Variants in TAGAP observed in about 807,000 individuals in gnomAD.
TAGAP encodes the protein T-cell activation Rho GTPase-activating protein.
In TAGAP, 16 loss-of-function variants were observed where a neutral mutation model predicts 36.0. The observed-to-expected ratio is 0.44, with a 90% CI of 0.30 to 0.68. The LOEUF (loss-of-function observed/expected upper bound fraction) is 0.68, where lower values mean the gene tolerates loss of function less well. TAGAP is among the 30% of genes least tolerant of loss of function. TAGAP has a pLI of 0.09. For missense variants in TAGAP, 794 were observed against 921.5 expected, an observed-to-expected ratio of 0.86 and a Z score of 1.79; for synonymous variants, 372 against 377.4, an observed-to-expected ratio of 0.99 and a Z score of 0.17.
At position 159,038,095 on chromosome 6, in the gene TAGAP, A is replaced by T; in HGVS notation, c.898+19T>A. On this transcript the variant is annotated intron_variant, in intron 9 of 9. Coordinates refer to ENST00000367066, the MANE Select transcript of TAGAP (RefSeq NM_054114.5). ...AACTTTTCCCTACAATCGTAATCAA[A>T]TGATAGCACATTCCATACCTGAACT... is the stretch of plus-strand genomic sequence containing the variant. The T allele has an allele frequency of 6.6e-7, 1 of 1,505,382 alleles. No individual in the cohort carries two copies. The highest frequency in any genetic ancestry group is 9.2e-7 in the Non-Finnish European group (1 of 1,085,966). The allele number at this position is 1,505,382 out of a possible 1,614,324, so 93.3% of individuals were successfully genotyped here.
rs566818161 is a variant in TAGAP at position 159,043,264 on chromosome 6, G to A, written c.148+325C>T. Among the ~76,000 whole-genome samples, 11 of 152,318 alleles carry A rather than the reference G, an allele frequency of 7.2e-5. No homozygotes were observed. The East Asian group carries it at 2.1e-3, about 29-fold the overall frequency. The stretch of plus-strand genomic sequence containing the variant: ...GCTCTTGGATGCATTCTCCATAAGA[G>A]AAGGAAGAAAATGGAAAAGACACTG... On this transcript the variant is annotated intron_variant, in intron 4 of 9. Transcript: ENST00000367066.
chr6:159,038,784 A>T, intron 8 of TAGAP: 3 of 545,914 alleles, frequency 5.5e-6, no homozygotes, highest in Non-Finnish European at 7.5e-6. Flanking sequence ...TAAAATTTTC[A>T]TTTAAGTAAG....
intron 1 of TAGAP, among the ~76,000 whole-genome samples, chr6:159,044,592 C>T (rs6923307): frequency 0.12 from 18,436 of 150,730 alleles, 1,860 homozygotes; most frequent in African/African-American, 0.28. Flanking sequence ...TGCCAGCTGT[C>T]GTAGTAGGTG....
intron 7 of TAGAP, 106 bp downstream of exon 7, chr6:159,040,617 A>T: frequency 1.1e-6 from 1 of 936,680 alleles, no homozygotes; most frequent in South Asian, 1.6e-5. Context: ...CCTAAACATC[A>T]CAATTCTCAT....
Position 159,035,723 on chromosome 6 carries a change from CAAG to C in TAGAP, c.*101_*103del. The C allele has an allele frequency of 2.4e-6, 3 of 1,240,404 alleles. No individual in the cohort carries two copies. Among genetic ancestry groups the C allele is most frequent in the Non-Finnish European group, 3.3e-6 (3 of 915,138 alleles). The allele number at this position is 1,240,404 out of a possible 1,614,324, so 76.8% of individuals were successfully genotyped here. ...TGAGGAGGGCTTTCCACAACTTTCT[CAAG>C]GAGCTTATTCAAGACCTTTTAAAAA... On this transcript the variant is annotated 3_prime_UTR_variant, in exon 10 of 10. Transcript: ENST00000367066.
chr6:159,043,978 C>T lies in TAGAP; in HGVS notation c.81G>A (p.Glu27=), dbSNP rs368983507. Residue 27 remains glutamate, a splice_region_variant and synonymous_variant, in exon 3 of 10, where the codon GAG becomes GAA. Coordinates refer to ENST00000367066, the MANE Select transcript of TAGAP (RefSeq NM_054114.5). ...AAAGTCTTAAAAATTGCTTTCTTAC[C>T]TCTGATTGACATTCGATTAGTGTCT... is the stretch of plus-strand genomic sequence containing the variant. ...NMETLIECQS[E]GDIKEHPLLA... The T allele has an allele frequency of 1.9e-6, 3 of 1,613,018 alleles. No homozygotes were observed. The African/African-American group carries it at 4.0e-5, about 22-fold the overall frequency.
intron 7 of TAGAP, among the ~76,000 whole-genome samples, chr6:159,039,802 T>C (rs1383873057): frequency 6.6e-6 from 1 of 152,240 alleles, no homozygotes; most frequent in Non-Finnish European, 1.5e-5. Flanking sequence ...AATCAGTTTC[T>C]AAGGGCATGT....
chr6:159,039,778 C>G (rs767739959), intron 7 of TAGAP, among the ~76,000 whole-genome samples: 1 of 152,168 alleles, frequency 6.6e-6, no homozygotes, highest in Non-Finnish European at 1.5e-5. Context: ...TCTGAGAAAG[C>G]TTTATGAAGA....
Position 159,036,721 on chromosome 6 carries a change from G to A in TAGAP, c.1302C>T (p.Thr434=), listed in dbSNP as rs1372644226. The change falls in exon 10 of 10, where the codon ACC becomes ACT. Residue 434 remains threonine, a synonymous_variant. Transcript: ENST00000367066. The surrounding 1 kb of genome is among the most constrained non-coding windows in gnomAD (Gnocchi z 4.9). ...EEVFPAVQGK[T]KRPVDLKIKN... Reference sequence around the variant, plus strand: ...TGATCTTCAGGTCCACCGGCCTCTTGGTTTTGCCTTGCACTGCAGGGAAGA... The same window carrying A: ...TGATCTTCAGGTCCACCGGCCTCTTAGTTTTGCCTTGCACTGCAGGGAAGA... 1 of 1,614,160 alleles carries A rather than the reference G, an allele frequency of 6.2e-7. No homozygotes were observed. Among genetic ancestry groups the A allele is most frequent in the Non-Finnish European group, 8.5e-7 (1 of 1,180,014 alleles).
rs138863883 is a variant in TAGAP, at chr6:159,044,057, T to C, written c.28-26A>G. On this transcript the variant is annotated intron_variant, in intron 2 of 9. Transcript: ENST00000367066. ...CTAAAAGAGAAAAAATAAAATTAGG[T>C]AAATATCTTTTGGCCCTTGCCTGTA... 5.8e-5 allele frequency: 93 copies of C among 1,613,618 alleles called. No homozygotes were observed. In the East Asian group the frequency reaches 1.9e-3, roughly 33 times the overall value.
In TAGAP at chr6:159,039,250, A is replaced by T; in HGVS notation, c.647T>A (p.Leu216Gln). Residue 216 changes from leucine (L) to glutamine (Q), a missense_variant, in exon 8 of 10, where the codon CTG (leucine) becomes CAG (glutamine). Coordinates refer to ENST00000367066, the MANE Select transcript of TAGAP (RefSeq NM_054114.5). ...LLLLKHLVYV[L>Q]HLISKNSEVN... The stretch of plus-strand genomic sequence containing the variant: ...CTCAGAGTTCTTGCTGATGAGGTGC[A>T]GCACATAGACCAAGTGCTTGAGTAG... The T allele has an allele frequency of 6.2e-7, 1 of 1,614,138 alleles. No homozygotes were observed. The highest frequency in any genetic ancestry group is 8.5e-7 in the Non-Finnish European group (1 of 1,180,038).
chr6:159,039,004 C>G (rs1779656650), intron 8 of TAGAP, 110 bp downstream of exon 8: 2 of 1,581,688 alleles, frequency 1.3e-6, no homozygotes, highest in Admixed American at 1.7e-5. Context: ...TATATTTTCA[C>G]TGTGATTCTG....
rs1421228741 is a variant in TAGAP, at chr6:159,036,437, C to T, written c.1586G>A (p.Gly529Glu). The change falls in exon 10 of 10, where the codon GGG (glycine) becomes GAG (glutamate). Residue 529 changes from glycine (G) to glutamate (E), a missense_variant. Physicochemically the swap from Gly to Glu is moderately conservative, Grantham distance 98 (BLOSUM62 -2). Transcript: ENST00000367066. The surrounding 1 kb of genome is among the most constrained non-coding windows in gnomAD (Gnocchi z 4.9). The stretch of plus-strand genomic sequence containing the variant: ...GTCCCTGGTAAAGTCTTGCGATTTC[C>T]CAGAGCCCGCGCTGAGGTTTTTGGT... The part of the protein sequence containing the change: ...VLTKNLSAGS[G>E]KSQDFTRDHV... 1.2e-6 allele frequency: 2 copies of T among 1,614,046 alleles called. No individual in the cohort carries two copies.
rs1384048278 is a variant in TAGAP at position 159,034,663 on chromosome 6, A to T, written c.*1164T>A. On this transcript the variant is annotated 3_prime_UTR_variant, in exon 10 of 10. Transcript: ENST00000367066. ...CTGAGCATCATAAGAATGAGGTGAGATGTAAAATTACTGGAAAGTTTAATT... is the reference window on the plus strand; with the variant it reads ...CTGAGCATCATAAGAATGAGGTGAGTTGTAAAATTACTGGAAAGTTTAATT... The T allele has an allele frequency of 6.6e-6, 1 of 152,196 alleles. No homozygotes were observed. Among genetic ancestry groups the T allele is most frequent in the East Asian group, 1.9e-4 (1 of 5,192 alleles). The allele number at this position is 152,196 out of a possible 1,614,324, so 9.4% of individuals were successfully genotyped here. A position where few individuals can be genotyped will look rare whatever the true frequency, so the allele number is the denominator to read the frequency against.
chr6:159,039,386 A>G lies in TAGAP; in HGVS notation c.588-77T>C, dbSNP rs1021521280. On this transcript the variant is annotated intron_variant, in intron 7 of 9. Transcript: ENST00000367066. ...TGTAGCAAGCTGAGAGTTTCTGCCG[A>G]AACCAGACTTCCTTTAAAATGAGGA... The G allele has an allele frequency of 6.8e-6, 10 of 1,460,120 alleles. No individual in the cohort carries two copies. The South Asian group carries it at 1.2e-4, about 18-fold the overall frequency. The allele number at this position is 1,460,120 out of a possible 1,614,324, so 90.4% of individuals were successfully genotyped here. A position where few individuals can be genotyped will look rare whatever the true frequency, so the allele number is the denominator to read the frequency against.
In TAGAP at chr6:159,040,829, A is replaced by G; in HGVS notation, c.481T>C (p.Phe161Leu). 1 of 1,613,634 alleles carries G rather than the reference A, an allele frequency of 6.2e-7. No individual in the cohort carries two copies. The highest frequency in any genetic ancestry group is 8.5e-7 in the Non-Finnish European group (1 of 1,179,560). Reference protein sequence around the residue: ...VHLLAVVFKDFLRSIPRKLLS... With the variant: ...VHLLAVVFKDLLRSIPRKLLS... ...AGCTTCCGGGGGATACTTCTGAGGA[A>G]GTCCTGGGGGATGAGAGTGGGCTGT... The change falls in exon 7 of 10, where the codon TTC becomes CTC. Residue 161 changes from phenylalanine to leucine, a missense_variant. By Grantham distance (22) the Phe-to-Leu change is conservative. Coordinates refer to ENST00000367066, the MANE Select transcript of TAGAP (RefSeq NM_054114.5).
chr6:159,038,939 T>G (rs1779654690), intron 8 of TAGAP, 175 bp downstream of exon 8: 3 of 1,445,046 alleles, frequency 2.1e-6, no homozygotes, highest in South Asian at 2.9e-5. Flanking sequence ...TTATTCAGTT[T>G]CATTAGATAC....
At position 159,034,513 on chromosome 6, in the gene TAGAP, GATAAA is replaced by G. The variant is rs1779460520; in HGVS notation, c.*1309_*1313del. ...CATGCATGATATTTTATTTTAAAAA[GATAAA>G]ATAAGGAAAATTGAAGTCCAGCATC... On this transcript the variant is annotated 3_prime_UTR_variant, in exon 10 of 10. Coordinates refer to ENST00000367066, the MANE Select transcript of TAGAP (RefSeq NM_054114.5). The G allele has an allele frequency of 6.6e-6, 1 of 152,234 alleles. No individual in the cohort carries two copies. The highest frequency in any genetic ancestry group is 2.4e-5 in the African/African-American group (1 of 41,534). The allele number at this position is 152,234 out of a possible 1,614,324, so 9.4% of individuals were successfully genotyped here.
intron 8 of TAGAP, chr6:159,038,814 A>G: frequency 3.3e-6 from 3 of 915,348 alleles, no homozygotes; most frequent in Non-Finnish European, 4.3e-6. Context: ...AGATTGATAG[A>G]CTGATAGACT....
Sources: allele counts gnomAD v4.1 joint callset (sites outside exome capture counted in the v4.1 genomes callset), GRCh38; gene constraint gnomAD v4.1.1; non-coding constraint Gnocchi (gnomAD v3.1); transcripts MANE v1.5; gene names NCBI Gene and HGNC (gene_info 2026-07-23, HGNC 2026-07-21).